The following SIVA1 variants were observed in gnomAD, a reference collection of about 807,000 sequenced individuals.
SIVA1 encodes the protein apoptosis regulatory protein Siva.
In SIVA1, 10 loss-of-function variants were observed where a neutral mutation model predicts 19.7. That is an observed-to-expected ratio of 0.51 (90% CI 0.31 to 0.86). SIVA1 has a LOEUF of 0.86. Among genes scored for constraint, SIVA1 ranks in the 40% least tolerant of loss-of-function variants. The pLI, the probability that SIVA1 is intolerant of heterozygous loss-of-function variation, is 0.04. For missense variants in SIVA1, 241 were observed against 245.2 expected (o/e 0.98, Z 0.11); for synonymous variants, 130 against 106.1 (o/e 1.23, Z -1.39).
rs778018804 is a variant in SIVA1 at position 104,759,491 on chromosome 14, G to C, written c.*6G>C. ...GTGCCATGTTCGAGACCTGAGGCTG[G>C]CTCAAGCCGGCTGCCTTCACCGGGA... is the stretch of plus-strand genomic sequence containing the variant. On this transcript the variant is annotated 3_prime_UTR_variant, in exon 4 of 4. Coordinates refer to ENST00000329967, the MANE Select transcript of SIVA1 (RefSeq NM_006427.4). The surrounding 1 kb of genome is among the most constrained non-coding windows in gnomAD (Gnocchi z 4.2). The C allele has an allele frequency of 6.2e-7, 1 of 1,608,496 alleles. No homozygotes were observed. Among genetic ancestry groups the C allele is most frequent in the East Asian group, 2.2e-5 (1 of 44,868 alleles).
Position 104,753,216 on chromosome 14 carries a change from C to T in SIVA1, c.15C>T (p.Ser5=), listed in dbSNP as rs753008826. The T allele has an allele frequency of 1.3e-6, 2 of 1,577,450 alleles. No individual in the cohort carries two copies. The highest frequency in any genetic ancestry group is 8.6e-7 in the Non-Finnish European group (1 of 1,164,692). Residue 5 remains serine (S), a synonymous_variant, in exon 1 of 4, where the codon AGC becomes AGT. Coordinates refer to ENST00000329967, the MANE Select transcript of SIVA1 (RefSeq NM_006427.4). MPKR[S]CPFADVAPLQ... ...GCCCCGCGGCCATGCCCAAGCGGAG[C>T]TGCCCCTTCGCGGACGTGGCCCCGC... is the stretch of plus-strand genomic sequence containing the variant.
rs1054326328 is a variant in SIVA1, at chr14:104,756,837, A to C, written c.470+77A>C. 2.7e-6 allele frequency: 4 copies of C among 1,460,130 alleles called. No homozygotes were observed. In the Admixed American group the frequency reaches 6.6e-5, roughly 24 times the overall value. The allele number at this position is 1,460,130 out of a possible 1,614,324, so 90.4% of individuals were successfully genotyped here. A position where few individuals can be genotyped will look rare whatever the true frequency, so the allele number is the denominator to read the frequency against. On this transcript the variant is annotated intron_variant, in intron 3 of 3. Transcript: ENST00000329967. The stretch of plus-strand genomic sequence containing the variant: ...GTGATGGGGGACGGGTGGGTCACCC[A>C]TGTGGGCCCAGAACACACACGTGTG...
At position 104,759,578 on chromosome 14, in the gene SIVA1, G is replaced by A; in HGVS notation, c.*93G>A. The A allele has an allele frequency of 1.0e-6, 1 of 977,838 alleles. No homozygotes were observed. The highest frequency in any genetic ancestry group is 1.6e-5 in the African/African-American group (1 of 62,150). The allele number at this position is 977,838 out of a possible 1,614,324, so 60.6% of individuals were successfully genotyped here. On this transcript the variant is annotated 3_prime_UTR_variant, in exon 4 of 4. Coordinates refer to ENST00000329967, the MANE Select transcript of SIVA1 (RefSeq NM_006427.4). The surrounding 1 kb of genome is among the most constrained non-coding windows in gnomAD (Gnocchi z 4.2). Reference sequence around the variant, plus strand: ...CTCGGTGTTCACACTGAACTGTGGGGTCGACGGGAGGGGTGCCTTTTACAT... The same window carrying A: ...CTCGGTGTTCACACTGAACTGTGGGATCGACGGGAGGGGTGCCTTTTACAT...
chr14:104,756,042 A>C (rs748883173), intron 2 of SIVA1: 33 of 672,708 alleles, frequency 4.9e-5, no homozygotes, highest in Non-Finnish European at 1.6e-5. Flanking sequence ...CCAAAAAAGC[A>C]GCAGAGACTC....
chr14:104,753,837 A>G (rs1294966224), intron 1 of SIVA1: 1 of 446,856 alleles, frequency 2.2e-6, no homozygotes, highest in South Asian at 1.6e-5. Flanking sequence ...TCCCCAGCCT[A>G]GTTGGGGAGA....
chr14:104,753,408 G>A (rs1891772802), intron 1 of SIVA1, 89 bp downstream of exon 1: 1 of 863,090 alleles, frequency 1.2e-6, no homozygotes, highest in South Asian at 1.8e-5. Context: ...CTGAGCGGGG[G>A]GCTGGAGGGC....
In SIVA1 at chr14:104,755,841, G is replaced by T; in HGVS notation, c.313+17G>T. ...CCGAAGCTGGTGAGTGGCACCAGCAGCCCTTTGTGGCTGTGGCACTGAGGG... is the reference window on the plus strand; with the variant it reads ...CCGAAGCTGGTGAGTGGCACCAGCATCCCTTTGTGGCTGTGGCACTGAGGG... On this transcript the variant is annotated intron_variant, in intron 2 of 3. Transcript: ENST00000329967. The T allele has an allele frequency of 5.0e-6, 8 of 1,609,696 alleles. No individual in the cohort carries two copies. The highest frequency in any genetic ancestry group is 5.9e-6 in the Non-Finnish European group (7 of 1,177,840).
intron 3 of SIVA1, chr14:104,757,258 G>A (rs542573269): frequency 1.2e-4 from 53 of 427,100 alleles, no homozygotes; most frequent in African/African-American, 9.8e-4. Context: ...AGGTGGGGAG[G>A]GGCGTTCTCA....
intron 3 of SIVA1, chr14:104,758,056 T>G (rs543992951): frequency 2.3e-4 from 35 of 152,496 alleles, no homozygotes; most frequent in African/African-American, 8.4e-4. Flanking sequence ...GAAGTGGCAT[T>G]CCCAGGCCAG....
intron 3 of SIVA1, 119 bp downstream of exon 3, chr14:104,756,879 C>T (rs1028027340): frequency 1.7e-6 from 2 of 1,167,820 alleles, no homozygotes; most frequent in South Asian, 1.6e-5. Context: ...GATGCAGTGC[C>T]ATCTGGCATT....
At chr14:104,755,338 C>G (rs565691142) in intron 1 of SIVA1, among the ~76,000 whole-genome samples, 1 of 152,244 alleles carries the variant, frequency 6.6e-6, no homozygotes, top group Non-Finnish European at 1.5e-5. Flanking sequence ...GAAAATGAGC[C>G]GAGTGATAGG....
At position 104,756,659 on chromosome 14, in the gene SIVA1, G is replaced by A. The variant is rs762307685; in HGVS notation, c.369G>A (p.Gly123=). The part of the protein sequence containing the change: ...ACSSCVRAVD[G]KAVCGQCERA... ...CCTCATGCGTGCGAGCCGTGGATGG[G>A]AAGGCGGTCTGCGGTCAGTGTGAGC... Residue 123 remains glycine, a synonymous_variant, in exon 3 of 4, where the codon GGG becomes GGA. Coordinates refer to ENST00000329967, the MANE Select transcript of SIVA1 (RefSeq NM_006427.4). 3 of 1,614,234 alleles carry A rather than the reference G, an allele frequency of 1.9e-6. No individual in the cohort carries two copies. Among genetic ancestry groups the A allele is most frequent in the South Asian group, 1.1e-5 (1 of 91,092 alleles).
Position 104,755,840 on chromosome 14 carries a change from A to G in SIVA1, c.313+16A>G. On this transcript the variant is annotated intron_variant, in intron 2 of 3. Coordinates refer to ENST00000329967, the MANE Select transcript of SIVA1 (RefSeq NM_006427.4). ...TCCGAAGCTGGTGAGTGGCACCAGCAGCCCTTTGTGGCTGTGGCACTGAGG... is the reference window on the plus strand; with the variant it reads ...TCCGAAGCTGGTGAGTGGCACCAGCGGCCCTTTGTGGCTGTGGCACTGAGG... 6.2e-7 allele frequency: 1 copy of G among 1,610,218 alleles called. No homozygotes were observed. Among genetic ancestry groups the G allele is most frequent in the Non-Finnish European group, 8.5e-7 (1 of 1,177,976 alleles).
Position 104,759,538 on chromosome 14 carries a change from T to C in SIVA1, c.*53T>C. 6.6e-7 allele frequency: 1 copy of C among 1,509,332 alleles called. No homozygotes were observed. The allele number at this position is 1,509,332 out of a possible 1,614,324, so 93.5% of individuals were successfully genotyped here. A position where few individuals can be genotyped will look rare whatever the true frequency, so the allele number is the denominator to read the frequency against. On this transcript the variant is annotated 3_prime_UTR_variant, in exon 4 of 4. Coordinates refer to ENST00000329967, the MANE Select transcript of SIVA1 (RefSeq NM_006427.4). This position sits in a 1 kb window ranked among gnomAD's most constrained non-coding sequence, Gnocchi z 4.2. ...GGGAGCCACGCCGTGCATGGCAGCCTTCCCTGGACGAGCGCTCGGTGTTCA... is the reference window on the plus strand; with the variant it reads ...GGGAGCCACGCCGTGCATGGCAGCCCTCCCTGGACGAGCGCTCGGTGTTCA...
rs1171483474 is a variant in SIVA1, at chr14:104,753,336, C to T, written c.118+17C>T. The T allele has an allele frequency of 5.8e-6, 9 of 1,546,546 alleles. No individual in the cohort carries two copies. The highest frequency in any genetic ancestry group is 1.4e-5 in the African/African-American group (1 of 71,378). On this transcript the variant is annotated intron_variant, in intron 1 of 3. Coordinates refer to ENST00000329967, the MANE Select transcript of SIVA1 (RefSeq NM_006427.4). ...AGGTCTTCGGTGAGTGTCGGGCGGGCTGCCGAGGGTCCGCTGCGTCGGGGC... is the reference window on the plus strand; with the variant it reads ...AGGTCTTCGGTGAGTGTCGGGCGGGTTGCCGAGGGTCCGCTGCGTCGGGGC...
At chr14:104,757,300 TG>T in intron 3 of SIVA1, 1 of 442,530 alleles carries the variant, frequency 2.3e-6, no homozygotes, top group Non-Finnish European at 4.5e-6. Flanking sequence ...TGGATGGGAG[TG>T]GACAGTGTGG....
At chr14:104,754,140 C>G (rs1236919348) in intron 1 of SIVA1, among the ~76,000 whole-genome samples, 1 of 152,094 alleles carries the variant, frequency 6.6e-6, no homozygotes, top group Non-Finnish European at 1.5e-5. Context: ...GCGTGTTGAT[C>G]TTATTGATCA....
intron 1 of SIVA1, among the ~76,000 whole-genome samples, chr14:104,755,165 G>A (rs1891842541): frequency 6.6e-6 from 1 of 152,238 alleles, no homozygotes; most frequent in Non-Finnish European, 1.5e-5. Context: ...CAAGCCTCTG[G>A]CTGCTTCCTT....
chr14:104,754,456 T>C (rs752265920), intron 1 of SIVA1, among the ~76,000 whole-genome samples: 1 of 152,042 alleles, frequency 6.6e-6, no homozygotes, highest in Non-Finnish European at 1.5e-5. Flanking sequence ...CTCAGGACAG[T>C]TGAAAAATTC....
Sources: allele counts gnomAD v4.1 joint callset (sites outside exome capture counted in the v4.1 genomes callset), GRCh38; gene constraint gnomAD v4.1.1; non-coding constraint Gnocchi (gnomAD v3.1); transcripts MANE v1.5; gene names NCBI Gene and HGNC (gene_info 2026-07-23, HGNC 2026-07-21).